The following TXN variants were observed in gnomAD, a reference collection of about 807,000 sequenced individuals.
TXN encodes ADF.
In TXN, 10 loss-of-function variants were observed where a neutral mutation model predicts 16.5. The ratio of observed to expected loss-of-function variants is 0.61; its 90% CI spans 0.37 to 1.03. The LOEUF is 1.03. Ranked by LOEUF, TXN falls within the 50% of genes least tolerant of loss-of-function variation. The pLI, the probability that TXN is intolerant of heterozygous loss-of-function variation, is 0.01. For missense variants in TXN, 71 were observed against 122.5 expected, an observed-to-expected ratio of 0.58 and a Z score of 1.98; for synonymous variants, 35 against 39.4, an observed-to-expected ratio of 0.89 and a Z score of 0.42.
At chr9:110,254,780 T>C (rs1837784513) in intron 1 of TXN, among the ~76,000 whole-genome samples, 1 of 152,166 alleles carries the variant, frequency 6.6e-6, no homozygotes, top group East Asian at 1.9e-4. Flanking sequence ...GTGTCTGGAT[T>C]TTGGGACAAC....
At position 110,244,059 on chromosome 9, in the gene TXN, G is replaced by T; in HGVS notation, c.*98C>A. 1 of 549,686 alleles carries T rather than the reference G, an allele frequency of 1.8e-6. No homozygotes were observed. The highest frequency in any genetic ancestry group is 2.9e-6 in the Non-Finnish European group (1 of 349,444). 34.1% of individuals were successfully genotyped at this position (549,686 alleles called of 1,614,324 possible). Reference sequence around the variant, plus strand: ...TTAATGTTTTATTGTCACGCAGATGGCAACTGGGTTTATGTCTTCATATTT... The same window carrying T: ...TTAATGTTTTATTGTCACGCAGATGTCAACTGGGTTTATGTCTTCATATTT... On this transcript the variant is annotated 3_prime_UTR_variant, in exon 5 of 5. Transcript: ENST00000374517.
chr9:110,253,801 G>T lies in TXN; in HGVS notation c.25-2339C>A, dbSNP rs1407216538. 2.0e-5 allele frequency among the ~76,000 whole-genome samples: 3 copies of T among 152,168 alleles called. No individual in the cohort carries two copies. In the East Asian group the frequency reaches 5.8e-4, roughly 29 times the overall value. On this transcript the variant is annotated intron_variant, in intron 1 of 4. Coordinates refer to ENST00000374517, the MANE Select transcript of TXN (RefSeq NM_003329.4). ...GGGTATCAGCTTGAAAATTATTCAAGATTGTATTACTAAGAAGAAATCACA... is the reference window on the plus strand; with the variant it reads ...GGGTATCAGCTTGAAAATTATTCAATATTGTATTACTAAGAAGAAATCACA...
At chr9:110,251,929 TTAAAGA>T (rs369423315) in intron 1 of TXN, among the ~76,000 whole-genome samples, 6 of 152,222 alleles carry the variant, frequency 3.9e-5, no homozygotes, top group East Asian at 3.9e-4. Context: ...CACAAGTTAC[TTAAAGA>T]TAAAAGTTGG....
Position 110,250,859 on chromosome 9 carries a change from G to A in TXN, c.150C>T (p.Ser50=), listed in dbSNP as rs777774291. 6.2e-7 allele frequency: 1 copy of A among 1,610,018 alleles called. No individual in the cohort carries two copies. The highest frequency in any genetic ancestry group is 1.1e-5 in the South Asian group (1 of 89,922). ...PFFHSLSEKY[S]NVIFLEVDVD... ...CATCTACTTCAAGGAATATCACGTT[G>A]GAATACTTTTCAGAGAGGGACTGGA... The change falls in exon 3 of 5, where the codon TCC becomes TCT. Residue 50 remains serine (S), a synonymous_variant. Transcript: ENST00000374517.
chr9:110,254,774 C>G (rs955038070), intron 1 of TXN, among the ~76,000 whole-genome samples: 1 of 152,128 alleles, frequency 6.6e-6, no homozygotes, highest in Non-Finnish European at 1.5e-5. Flanking sequence ...TTTGTAGTGT[C>G]TGGATTTTGG....
In TXN at chr9:110,249,046, A is replaced by G. The variant is rs961137241; in HGVS notation, c.189+1774T>C. Among the ~76,000 whole-genome samples the G allele has an allele frequency of 1.2e-4, 17 of 142,100 alleles. No homozygotes were observed. In the Admixed American group the frequency reaches 1.3e-3, roughly 11 times the overall value. 93.2% of individuals were successfully genotyped at this position (142,100 alleles called of 152,430 possible). ...AGGAGGCTGAGACAGAGGATTGCTT[A>G]AACCCGGGAGGCAGAGGTTGCAGTG... On this transcript the variant is annotated intron_variant, in intron 3 of 4. Transcript: ENST00000374517.
At chr9:110,245,310 T>G (rs545062402) in intron 3 of TXN, among the ~76,000 whole-genome samples, 1 of 152,034 alleles carries the variant, frequency 6.6e-6, no homozygotes, top group African/African-American at 2.4e-5. Flanking sequence ...GTACACAGAA[T>G]GATTATATAA....
chr9:110,245,652 A>ATTTTTTT (rs1277293432), intron 3 of TXN, among the ~76,000 whole-genome samples: 1 of 23,674 alleles, frequency 4.2e-5, no homozygotes, highest in African/African-American at 2.0e-4. Context: ...ATATATATAT[A>ATTTTTTT]TATTTTTTTT....
chr9:110,250,308 C>A (rs920572232), intron 3 of TXN, among the ~76,000 whole-genome samples: 1 of 152,170 alleles, frequency 6.6e-6, no homozygotes, highest in Non-Finnish European at 1.5e-5. Context: ...ATACAACCAA[C>A]CCTGGAATTT....
intron 3 of TXN, among the ~76,000 whole-genome samples, chr9:110,246,885 A>G (rs762536219): frequency 2.0e-5 from 3 of 152,242 alleles, no homozygotes; most frequent in Admixed American, 6.5e-5. Flanking sequence ...CATTTATAAA[A>G]TAAGTATCAT....
Position 110,256,388 on chromosome 9 carries a change from C to G in TXN, c.24+24G>C. 1 of 1,603,126 alleles carries G rather than the reference C, an allele frequency of 6.2e-7. No individual in the cohort carries two copies. The highest frequency in any genetic ancestry group is 8.5e-7 in the Non-Finnish European group (1 of 1,175,110). On this transcript the variant is annotated intron_variant, in intron 1 of 4. Transcript: ENST00000374517. This position sits in a 1 kb window ranked among gnomAD's most constrained non-coding sequence, Gnocchi z 4.2. ...AGAGGCCGCGCGCGGCGCCGGCACC[C>G]TGGCCTTCCCCGGTAGCGCGTACCT... is the stretch of plus-strand genomic sequence containing the variant.
Position 110,250,835 on chromosome 9 carries a change from A to G in TXN, c.174T>C (p.Asp58=). The change falls in exon 3 of 5, where the codon GAT becomes GAC. Residue 58 remains aspartate (D), a synonymous_variant. Transcript: ENST00000374517. Reference sequence around the variant, plus strand: ...AGCTACATACCTGACAGTCATCCACATCTACTTCAAGGAATATCACGTTGG... The same window carrying G: ...AGCTACATACCTGACAGTCATCCACGTCTACTTCAAGGAATATCACGTTGG... ...KYSNVIFLEV[D]VDDCQDVASE... The G allele has an allele frequency of 1.2e-6, 2 of 1,610,032 alleles. No individual in the cohort carries two copies. Among genetic ancestry groups the G allele is most frequent in the South Asian group, 2.2e-5 (2 of 89,766 alleles).
intron 4 of TXN, 52 bp from the exon 5 acceptor site, chr9:110,244,271 T>C: frequency 1.2e-6 from 1 of 866,784 alleles, no homozygotes; most frequent in East Asian, 3.5e-5. Context: ...AGCACTGTTT[T>C]ATACATAAAA....
intron 1 of TXN, among the ~76,000 whole-genome samples, chr9:110,252,223 C>CAAAAAAGAAAAA (rs1554695822): frequency 0.054 from 3,126 of 58,190 alleles, 335 homozygotes; most frequent in East Asian, 0.29. Flanking sequence ...GACTCTGTCG[C>CAAAAAAGAAAAA]AAAAAAAAAA....
intron 4 of TXN, 108 bp downstream of exon 4, chr9:110,244,670 C>A: frequency 2.1e-6 from 2 of 967,294 alleles, no homozygotes; most frequent in Non-Finnish European, 3.2e-6. Flanking sequence ...AAAAGCAGAA[C>A]TTGGTGATAT....
At chr9:110,255,086 T>C (rs4135166) in intron 1 of TXN, among the ~76,000 whole-genome samples, 27,380 of 152,060 alleles carry the variant, frequency 0.18, 3,584 homozygotes, top group East Asian at 0.6. Context: ...GAAAAAACAC[T>C]GAGAGTCAAT....
chr9:110,252,223 CAAAAAAAAA>C (rs377246017), intron 1 of TXN, among the ~76,000 whole-genome samples: 2 of 58,422 alleles, frequency 3.4e-5, no homozygotes. Flanking sequence ...GACTCTGTCG[CAAAAAAAAA>C]AAAAAAAAAA....
At chr9:110,245,375 A>G (rs1016676897) in intron 3 of TXN, among the ~76,000 whole-genome samples, 7 of 151,606 alleles carry the variant, frequency 4.6e-5, no homozygotes, top group Admixed American at 1.3e-4. Context: ...AAATAATAGT[A>G]ATCTAAAGGA....
At chr9:110,248,445 T>C (rs1042084187) in intron 3 of TXN, among the ~76,000 whole-genome samples, 5 of 152,236 alleles carry the variant, frequency 3.3e-5, no homozygotes, top group Non-Finnish European at 7.3e-5. Flanking sequence ...CAGTATTCAG[T>C]ACAGTAACAT....
Sources: allele counts gnomAD v4.1 joint callset (sites outside exome capture counted in the v4.1 genomes callset), GRCh38; gene constraint gnomAD v4.1.1; non-coding constraint Gnocchi (gnomAD v3.1); transcripts MANE v1.5; gene names NCBI Gene and HGNC (gene_info 2026-07-23, HGNC 2026-07-21).